GALNTL6: variants seen among roughly 807,000 people sequenced by gnomAD.
GALNTL6 encodes the protein polypeptide N-acetylgalactosaminyltransferase-like 6.
Under a neutral mutation model 73.7 loss-of-function variants are expected in GALNTL6, and 46 were observed. The observed-to-expected ratio is 0.62, with a 90% CI of 0.49 to 0.80. The LOEUF (loss-of-function observed/expected upper bound fraction) is 0.80. Ranked by LOEUF, GALNTL6 falls within the 30% of genes least tolerant of loss-of-function variation. The pLI is 0.00. For missense variants in GALNTL6, 604 were observed against 755.0 expected (o/e 0.80, Z 2.34); for synonymous variants, 259 against 263.7 (o/e 0.98, Z 0.17).
chr4:171,923,409 T>G (rs961034273), intron 2 of GALNTL6, among the ~76,000 whole-genome samples: 2 of 150,050 alleles, frequency 1.3e-5, no homozygotes, highest in African/African-American at 5.0e-5. Context: ...TTTTTTTTTT[T>G]TTTTTTGAGA....
chr4:172,465,430 T>A (rs1732775460), intron 5 of GALNTL6, among the ~76,000 whole-genome samples: 1 of 151,106 alleles, frequency 6.6e-6, no homozygotes, highest in Non-Finnish European at 1.5e-5. Context: ...TGAACAGAGA[T>A]AGAGCCACTG....
chr4:172,177,609 T>A (rs778482595), intron 2 of GALNTL6, among the ~76,000 whole-genome samples: 1 of 151,802 alleles, frequency 6.6e-6, no homozygotes, highest in Non-Finnish European at 1.5e-5. Context: ...ACCAGCTCCA[T>A]TGAGCAAAGA....
At chr4:172,813,453 T>C (rs1245906934) in intron 6 of GALNTL6, 87 bp from the exon 7 acceptor site, 2 of 1,082,272 alleles carry the variant, frequency 1.8e-6, no homozygotes, top group East Asian at 4.9e-5. Context: ...TATGCATTAG[T>C]GGAGGACTGT....
intron 3 of GALNTL6, among the ~76,000 whole-genome samples, chr4:172,282,700 G>C (rs1441227398): frequency 1.3e-5 from 2 of 150,446 alleles, no homozygotes; most frequent in African/African-American, 4.9e-5. Flanking sequence ...CTAGTTAGTA[G>C]GATTATGTTA....
intron 5 of GALNTL6, among the ~76,000 whole-genome samples, chr4:172,755,218 GAGAT>G (rs1348519256): frequency 1.6e-5 from 2 of 122,426 alleles, no homozygotes; most frequent in African/African-American, 3.0e-5. Context: ...CATAAGATAA[GAGAT>G]AGATAAATGA....
chr4:172,095,983 TTTC>T (rs1489659755), intron 2 of GALNTL6, among the ~76,000 whole-genome samples: 1 of 152,040 alleles, frequency 6.6e-6, no homozygotes, highest in Non-Finnish European at 1.5e-5. Context: ...TTCTCTCTCT[TTTC>T]TTTTCTCTCT....
At chr4:172,105,556 T>C (rs1454070694) in intron 2 of GALNTL6, among the ~76,000 whole-genome samples, 1 of 151,730 alleles carries the variant, frequency 6.6e-6, no homozygotes, top group Non-Finnish European at 1.5e-5. Context: ...TATGGTGAAA[T>C]TGCATTGCAT....
chr4:172,826,168 C>A (rs1742254796), intron 7 of GALNTL6, among the ~76,000 whole-genome samples: 1 of 152,080 alleles, frequency 6.6e-6, no homozygotes. Context: ...GCTCAGGTGG[C>A]ATATGGCTAA....
At chr4:172,008,374 A>G (rs1344190390) in intron 2 of GALNTL6, among the ~76,000 whole-genome samples, 1 of 152,146 alleles carries the variant, frequency 6.6e-6, no homozygotes, top group Non-Finnish European at 1.5e-5. Context: ...TTTCATAAAG[A>G]GGAAACTGTT....
chr4:172,803,525 G>T (rs899269832), intron 5 of GALNTL6, among the ~76,000 whole-genome samples: 5 of 152,118 alleles, frequency 3.3e-5, no homozygotes, highest in African/African-American at 1.2e-4. Context: ...CTTATCTAAA[G>T]AAATGATTAA....
At chr4:171,819,621 A>C (rs1373416356) in intron 2 of GALNTL6, among the ~76,000 whole-genome samples, 1 of 152,130 alleles carries the variant, frequency 6.6e-6, no homozygotes. Flanking sequence ...AACCCTTAGA[A>C]AGTTTGCAGC....
At chr4:172,901,553 T>C (rs1746631639) in intron 8 of GALNTL6, among the ~76,000 whole-genome samples, 1 of 152,166 alleles carries the variant, frequency 6.6e-6, no homozygotes, top group African/African-American at 2.4e-5. Context: ...AGTCCAGAAC[T>C]TAAGTGTTCT....
At chr4:172,626,224 T>C (rs1356497633) in intron 5 of GALNTL6, among the ~76,000 whole-genome samples, 1 of 152,134 alleles carries the variant, frequency 6.6e-6, no homozygotes, top group Non-Finnish European at 1.5e-5. Flanking sequence ...TCAGTTTCAT[T>C]CTACTGCATA....
At chr4:172,489,303 A>G (rs543357313) in intron 5 of GALNTL6, among the ~76,000 whole-genome samples, 43 of 152,352 alleles carry the variant, frequency 2.8e-4, no homozygotes, top group African/African-American at 9.1e-4. Context: ...GATATATGAA[A>G]AGAAAAACAT....
intron 2 of GALNTL6, among the ~76,000 whole-genome samples, chr4:172,011,587 C>CA (rs1235787558): frequency 2.6e-5 from 4 of 151,972 alleles, no homozygotes; most frequent in Non-Finnish European, 5.9e-5. Context: ...TTTTATTTTT[C>CA]AACTCATATC....
chr4:171,992,598 G>T (rs529911579), intron 2 of GALNTL6, among the ~76,000 whole-genome samples: 2 of 152,154 alleles, frequency 1.3e-5, no homozygotes, highest in East Asian at 3.9e-4. Flanking sequence ...GGTCTGTAAT[G>T]CAGATTTATT....
intron 2 of GALNTL6, among the ~76,000 whole-genome samples, chr4:172,158,427 C>A (rs550485235): frequency 1.3e-5 from 2 of 151,644 alleles, no homozygotes; most frequent in East Asian, 1.9e-4. Context: ...AAAAAAAAAA[C>A]AGCTAGCAAA....
intron 2 of GALNTL6, among the ~76,000 whole-genome samples, chr4:171,984,935 G>A (rs1740020672): frequency 1.3e-5 from 2 of 151,530 alleles, no homozygotes; most frequent in African/African-American, 4.9e-5. Context: ...GGTAGATCAC[G>A]AGGTCAGGAG....
At chr4:171,816,991 A>G (rs1734541783) in intron 2 of GALNTL6, among the ~76,000 whole-genome samples, 2 of 152,186 alleles carry the variant, frequency 1.3e-5, no homozygotes, top group South Asian at 4.1e-4. Context: ...ATAGGTTTTA[A>G]ATTGAAACAT....
Sources: gnomAD v4.1 joint callset for allele counts (sites outside exome capture counted in the v4.1 genomes callset) on GRCh38, gnomAD v4.1.1 for gene constraint, MANE v1.5 for transcripts, NCBI Gene and HGNC (gene_info 2026-07-23, HGNC 2026-07-21) for gene names.